Variants in WARS2 observed in about 807,000 individuals in gnomAD.
WARS2 encodes the protein tryptophan--tRNA ligase, mitochondrial.
WARS2 carries 28 observed loss-of-function variants against 36.5 expected under a neutral mutation model. The ratio of observed to expected loss-of-function variants is 0.77; its 90% CI spans 0.57 to 1.05. The LOEUF (loss-of-function observed/expected upper bound fraction) is 1.05. Among genes scored for constraint, WARS2 ranks in the 50% least tolerant of loss-of-function variants. The probability of loss-of-function intolerance (pLI) is 0.00; values close to 1 mark genes in which losing one functional copy is unlikely to be tolerated. For synonymous variants in WARS2, 174 were observed against 178.4 expected, an observed-to-expected ratio of 0.98 and a Z score of 0.20; for missense variants, 435 against 456.8, an observed-to-expected ratio of 0.95 and a Z score of 0.44.
intron 2 of WARS2, among the ~76,000 whole-genome samples, chr1:119,066,952 G>A (rs989157016): frequency 3.3e-5 from 5 of 152,156 alleles, no homozygotes; most frequent in African/African-American, 9.7e-5. Context: ...TATGCCCTCT[G>A]TAATATTGTT....
intron 1 of WARS2, chr1:119,126,783 A>C (rs914989612): frequency 1.5e-5 from 11 of 738,148 alleles, no homozygotes; most frequent in Non-Finnish European, 2.5e-5. Context: ...CTTATTGACC[A>C]CCTCTTTCCA....
intron 1 of WARS2, among the ~76,000 whole-genome samples, chr1:119,137,208 A>G (rs1418270949): frequency 6.6e-6 from 1 of 152,194 alleles, no homozygotes; most frequent in Non-Finnish European, 1.5e-5. Flanking sequence ...ATTATTCAAG[A>G]CAAAGCTTGG....
At chr1:119,138,579 T>G (rs1184333601) in intron 1 of WARS2, among the ~76,000 whole-genome samples, 1 of 152,214 alleles carries the variant, frequency 6.6e-6, no homozygotes, top group Non-Finnish European at 1.5e-5. Flanking sequence ...GTTTGTTCCC[T>G]TCCAGGCTTT....
At chr1:119,076,673 TATC>T in intron 1 of WARS2, 66 bp from the exon 2 acceptor site, 1 of 1,586,880 alleles carries the variant, frequency 6.3e-7, no homozygotes, top group Non-Finnish European at 8.6e-7. Flanking sequence ...ATGCCCATGT[TATC>T]ATAGCTATGG....
chr1:119,080,012 C>T (rs1315648447), intron 1 of WARS2, among the ~76,000 whole-genome samples: 3 of 152,006 alleles, frequency 2.0e-5, no homozygotes, highest in East Asian at 1.9e-4. Context: ...TACCTATTAG[C>T]GAGGCTTCCT....
At chr1:119,094,052 G>A (rs1653249072) in intron 1 of WARS2, among the ~76,000 whole-genome samples, 2 of 152,182 alleles carry the variant, frequency 1.3e-5, no homozygotes, top group African/African-American at 2.4e-5. Context: ...TAAACAAACA[G>A]CCATCAACTA....
At chr1:119,047,694 G>A (rs1441344272) in intron 2 of WARS2, among the ~76,000 whole-genome samples, 1 of 152,138 alleles carries the variant, frequency 6.6e-6, no homozygotes, top group African/African-American at 2.4e-5. Flanking sequence ...CAATTGCATG[G>A]AAAGGTTCAG....
intron 1 of WARS2, among the ~76,000 whole-genome samples, chr1:119,100,492 C>T (rs1653777452): frequency 6.6e-6 from 1 of 152,206 alleles, no homozygotes. Context: ...TCTGCACTCG[C>T]ATGTTTACTG....
chr1:119,061,027 C>T (rs1650334288), intron 2 of WARS2, among the ~76,000 whole-genome samples: 1 of 152,048 alleles, frequency 6.6e-6, no homozygotes, highest in South Asian at 2.1e-4. Flanking sequence ...TTGCTTACTA[C>T]TGGAAAGACA....
intron 1 of WARS2, among the ~76,000 whole-genome samples, chr1:119,108,157 G>C (rs1301005554): frequency 6.6e-6 from 1 of 151,864 alleles, no homozygotes; most frequent in African/African-American, 2.4e-5. Flanking sequence ...TAATGTCTTT[G>C]TATTTTGTCT....
chr1:119,048,189 T>G (rs897363324), intron 2 of WARS2, among the ~76,000 whole-genome samples: 2 of 152,222 alleles, frequency 1.3e-5, no homozygotes, highest in Non-Finnish European at 2.9e-5. Context: ...TAAAGGCAGA[T>G]ACACAATAAG....
chr1:119,112,919 A>C (rs1214272024), intron 1 of WARS2, among the ~76,000 whole-genome samples: 8 of 152,204 alleles, frequency 5.3e-5, no homozygotes, highest in Non-Finnish European at 1.2e-4. Flanking sequence ...AAGAGACTGC[A>C]AAGGGATTGA....
chr1:119,062,180 G>A (rs916998510), intron 2 of WARS2, among the ~76,000 whole-genome samples: 1 of 152,160 alleles, frequency 6.6e-6, no homozygotes, highest in African/African-American at 2.4e-5. Context: ...CACCTGGAGA[G>A]AAAATACCTC....
At chr1:119,060,365 A>G (rs1277322648) in intron 2 of WARS2, among the ~76,000 whole-genome samples, 3 of 152,170 alleles carry the variant, frequency 2.0e-5, no homozygotes, top group South Asian at 4.1e-4. Flanking sequence ...ATAACCCCAC[A>G]TGGCAGGCAG....
chr1:119,120,390 T>C (rs1015150792), intron 1 of WARS2, among the ~76,000 whole-genome samples: 2 of 150,666 alleles, frequency 1.3e-5, no homozygotes, highest in African/African-American at 4.9e-5. Flanking sequence ...TAACAAGTAA[T>C]GAGATTGAAA....
intron 1 of WARS2, among the ~76,000 whole-genome samples, chr1:119,104,163 C>A (rs1272925464): frequency 6.6e-6 from 1 of 151,070 alleles, no homozygotes; most frequent in East Asian, 1.9e-4. Flanking sequence ...ATATATTACT[C>A]TGCTTTTATT....
chr1:119,059,725 T>C (rs552124525), intron 2 of WARS2, among the ~76,000 whole-genome samples: 36 of 152,330 alleles, frequency 2.4e-4, no homozygotes, highest in East Asian at 1.5e-3. Context: ...GAAATTTTCA[T>C]TGCGATTGTG....
Position 119,032,934 on chromosome 1 carries a change from T to C in WARS2, c.1060A>G (p.Lys354Glu), listed in dbSNP as rs1363782378. The C allele has an allele frequency of 6.2e-7, 1 of 1,611,632 alleles. No individual in the cohort carries two copies. The highest frequency in any genetic ancestry group is 1.7e-5 in the Admixed American group (1 of 59,852). Residue 354 changes from lysine to glutamate, a missense_variant, in exon 6 of 6, where the codon AAG becomes GAG. Coordinates refer to ENST00000235521, the MANE Select transcript of WARS2 (RefSeq NM_015836.4). The stretch of plus-strand genomic sequence containing the variant: ...TCCTATAGAAAACCCACCAATTTCT[T>C]CACCTCCTGGCACACAGTGTATGCT... ...ELAYTVCQEV[K>E]KLVGFL
intron 1 of WARS2, among the ~76,000 whole-genome samples, chr1:119,132,363 A>AT (rs1380712900): frequency 6.6e-6 from 1 of 152,190 alleles, no homozygotes; most frequent in African/African-American, 2.4e-5. Context: ...GGTAGCTAGT[A>AT]GCCAGTCGGT....
Sources: gnomAD v4.1 joint callset for allele counts (sites outside exome capture counted in the v4.1 genomes callset) on GRCh38, gnomAD v4.1.1 for gene constraint, MANE v1.5 for transcripts, NCBI Gene and HGNC (gene_info 2026-07-23, HGNC 2026-07-21) for gene names.